Variants in DNAH6 observed in about 807,000 individuals in gnomAD.
DNAH6 encodes the protein dynein axonemal heavy chain 6.
DNAH6 carries 340 observed loss-of-function variants against 491.4 expected under a neutral mutation model. That is an observed-to-expected ratio of 0.69 (90% confidence interval 0.63 to 0.76). The LOEUF (loss-of-function observed/expected upper bound fraction) is 0.76. DNAH6 is among the 30% of genes least tolerant of loss of function. The pLI is 0.00. For missense variants in DNAH6, 4,443 were observed against 4,972.2 expected (o/e 0.89, Z 3.20); for synonymous variants, 1,603 against 1,686.1 (o/e 0.95, Z 1.21).
chr2:84,582,851 G>A (rs188247326), intron 14 of DNAH6, among the ~76,000 whole-genome samples: 19 of 152,328 alleles, frequency 1.2e-4, no homozygotes, highest in African/African-American at 4.6e-4. Flanking sequence ...ATCTTCTCGT[G>A]TTAATGACCT....
intron 21 of DNAH6, among the ~76,000 whole-genome samples, chr2:84,610,517 C>T (rs941938197): frequency 6.6e-6 from 1 of 152,114 alleles, no homozygotes; most frequent in Non-Finnish European, 1.5e-5. Flanking sequence ...TCCTTGGAAT[C>T]TTTCCTTGTG....
chr2:84,801,473 T>C (rs1678904576), intron 70 of DNAH6, among the ~76,000 whole-genome samples: 1 of 151,962 alleles, frequency 6.6e-6, no homozygotes, highest in Admixed American at 6.6e-5. Context: ...CTTAAGGCAT[T>C]AGAGAAAAGG....
intron 30 of DNAH6, 114 bp downstream of exon 30, chr2:84,634,755 G>A: frequency 7.7e-7 from 1 of 1,304,940 alleles, no homozygotes; most frequent in Non-Finnish European, 1.0e-6. Flanking sequence ...GAATCCTGGG[G>A]AGCCCAAGGG....
Position 84,703,442 on chromosome 2 carries a change from C to G in DNAH6, c.8109C>G (p.Asn2703Lys). 6.5e-7 allele frequency: 1 copy of G among 1,547,380 alleles called. No individual in the cohort carries two copies. ...KNGLTKLLET[N>K]ILVDKMKLDL... The stretch of plus-strand genomic sequence containing the variant: ...GTCTCACCAAGCTACTAGAAACAAA[C>G]ATACTAGTAGATAAAATGAAACTAG... The change falls in exon 50 of 77, where the codon AAC becomes AAG. Residue 2703 changes from asparagine to lysine, a missense_variant. Around this residue, in one of 3 missense-constraint regions of DNAH6, gnomAD observed 2,977 missense variants for 3,296.6 expected, o/e 0.90. Transcript: ENST00000389394.
At chr2:84,774,344 T>C (rs950898079) in intron 64 of DNAH6, among the ~76,000 whole-genome samples, 3 of 152,156 alleles carry the variant, frequency 2.0e-5, no homozygotes, top group African/African-American at 7.2e-5. Flanking sequence ...TGTTTATTAG[T>C]GTCAACTTTG....
At chr2:84,773,135 T>A (rs1199409556) in intron 64 of DNAH6, among the ~76,000 whole-genome samples, 1 of 152,076 alleles carries the variant, frequency 6.6e-6, no homozygotes, top group Non-Finnish European at 1.5e-5. Context: ...GCATATTGCA[T>A]GTTGCTGAAG....
intron 22 of DNAH6, among the ~76,000 whole-genome samples, chr2:84,615,372 T>C (rs1686752137): frequency 6.6e-6 from 1 of 152,206 alleles, no homozygotes; most frequent in East Asian, 1.9e-4. Flanking sequence ...CCAGGTTCTC[T>C]ATTCTGTTCC....
chr2:84,554,863 C>T (rs1275711753), intron 10 of DNAH6, among the ~76,000 whole-genome samples: 2 of 152,232 alleles, frequency 1.3e-5, no homozygotes, highest in Admixed American at 6.5e-5. Flanking sequence ...TCACAAGCAG[C>T]TTGCTGTCCT....
chr2:84,745,653 G>A (rs917182163), intron 63 of DNAH6, among the ~76,000 whole-genome samples: 5 of 141,708 alleles, frequency 3.5e-5, no homozygotes, highest in African/African-American at 5.4e-5. Context: ...GCAACAGAGC[G>A]AGACACTGTC....
chr2:84,806,013 A>G (rs1043903093), intron 71 of DNAH6, among the ~76,000 whole-genome samples: 3 of 152,172 alleles, frequency 2.0e-5, no homozygotes, highest in Non-Finnish European at 2.9e-5. Context: ...TTCCAGCTCA[A>G]TGTAACTTTA....
chr2:84,624,426 T>C (rs1687667165), intron 27 of DNAH6, 36 bp downstream of exon 27: 2 of 1,549,006 alleles, frequency 1.3e-6, no homozygotes, highest in Non-Finnish European at 1.7e-6. Context: ...ATATACTTCT[T>C]TCTGAAATTA....
chr2:84,655,763 A>G (rs941694950), intron 35 of DNAH6, among the ~76,000 whole-genome samples: 2 of 152,090 alleles, frequency 1.3e-5, no homozygotes, highest in African/African-American at 4.8e-5. Context: ...CTCACCCCCA[A>G]ACAGTTTCGC....
At chr2:84,569,571 C>T (rs1204063468) in intron 11 of DNAH6, among the ~76,000 whole-genome samples, 2 of 152,082 alleles carry the variant, frequency 1.3e-5, no homozygotes, top group African/African-American at 2.4e-5. Context: ...TACATAACCA[C>T]ACTAAATGGA....
chr2:84,751,383 C>G (rs1317493762), intron 63 of DNAH6, among the ~76,000 whole-genome samples: 2 of 152,200 alleles, frequency 1.3e-5, no homozygotes, highest in Non-Finnish European at 2.9e-5. Context: ...GAATCAACTG[C>G]TCTATTGGGA....
At chr2:84,510,048 A>G in the DNAH6 span, among the ~76,000 whole-genome samples, 6 of 151,868 alleles carry the variant, frequency 4.0e-5, no homozygotes, top group Admixed American at 6.6e-5. Flanking sequence ...TGACAATTAT[A>G]TGTCTTGGAG....
At chr2:84,750,580 A>G (rs1291283588) in intron 63 of DNAH6, among the ~76,000 whole-genome samples, 1 of 152,194 alleles carries the variant, frequency 6.6e-6, no homozygotes, top group Admixed American at 6.5e-5. Context: ...TTACTTTAAA[A>G]TAATCCTAGA....
intron 11 of DNAH6, among the ~76,000 whole-genome samples, chr2:84,571,945 C>T (rs1240873030): frequency 6.6e-6 from 1 of 151,452 alleles, no homozygotes; most frequent in Non-Finnish European, 1.5e-5. Flanking sequence ...AAAAGAAAAC[C>T]AAAAAGATGA....
intron 9 of DNAH6, 45 bp from the exon 10 acceptor site, chr2:84,552,873 C>A: frequency 8.8e-7 from 1 of 1,135,308 alleles, no homozygotes; most frequent in Admixed American, 2.5e-5. Flanking sequence ...TGTTTTAGAC[C>A]TTGATACTTG....
intron 55 of DNAH6, 74 bp from the exon 56 acceptor site, chr2:84,710,213 C>T: frequency 1.3e-6 from 2 of 1,497,338 alleles, no homozygotes; most frequent in South Asian, 2.7e-5. Flanking sequence ...TCCACACTTT[C>T]TTCTAAAGCT....
Sources: allele counts gnomAD v4.1 joint callset (sites outside exome capture counted in the v4.1 genomes callset), GRCh38; gene constraint gnomAD v4.1.1; regional missense constraint gnomAD v4.1.1; transcripts MANE v1.5; gene names NCBI Gene and HGNC (gene_info 2026-07-23, HGNC 2026-07-21).